Variants in YTHDC1 observed in about 807,000 individuals in gnomAD.
The protein encoded by YTHDC1 is YTH domain-containing protein 1.
In YTHDC1, 12 loss-of-function variants were observed where a neutral mutation model predicts 107.0. The observed-to-expected ratio is 0.11, with a 90% CI of 0.07 to 0.18. The LOEUF (loss-of-function observed/expected upper bound fraction) is 0.18, where lower values mean the gene tolerates loss of function less well. YTHDC1 is among the 10% of genes least tolerant of loss of function. The pLI, the probability that YTHDC1 is intolerant of heterozygous loss-of-function variation, is 1.00. For synonymous variants in YTHDC1, 280 were observed against 289.5 expected (o/e 0.97, Z 0.33); for missense variants, 635 against 898.8 (o/e 0.71, Z 3.75).
At chr4:68,349,457 C>G (rs1450983454) in intron 1 of YTHDC1, among the ~76,000 whole-genome samples, 1 of 152,124 alleles carries the variant, frequency 6.6e-6, no homozygotes, top group Non-Finnish European at 1.5e-5. Context: ...CCTCTCAGCC[C>G]AAGACAGCTA....
In YTHDC1 at chr4:68,337,196, CTCCTCCTCCTCT is replaced by C. The variant is rs771324329; in HGVS notation, c.702_713del (p.Glu246_Glu249del). The stretch of plus-strand genomic sequence containing the variant: ...CTTCCTCCTCCTCCTCCTCCTCTTC[CTCCTCCTCCTCT>C]TCCTCCTCCTCCTCTCCATCTTCAT... On this transcript the variant is annotated inframe_deletion, in exon 4 of 17. Coordinates refer to ENST00000344157, the MANE Select transcript of YTHDC1 (RefSeq NM_001031732.4). The C allele has an allele frequency of 7.0e-6, 11 of 1,569,356 alleles. No homozygotes were observed. The highest frequency in any genetic ancestry group is 6.7e-5 in the Admixed American group (4 of 59,640).
Position 68,330,079 on chromosome 4 carries a change from A to C in YTHDC1, c.1272T>G (p.Ser424=), listed in dbSNP as rs1723411806. Residue 424 remains serine, a synonymous_variant, in exon 9 of 17, where the codon TCT becomes TCG. Transcript: ENST00000344157. ...RLSSESHHGG[S]PIHWVLPAGM... is the part of the protein sequence containing the mutation. ...CTGCTGGAAGCACCCAGTGTATAGGAGATCCTCCGTGATGTGATTCTGAAG... is the reference window on the plus strand; with the variant it reads ...CTGCTGGAAGCACCCAGTGTATAGGCGATCCTCCGTGATGTGATTCTGAAG... The C allele has an allele frequency of 1.2e-6, 2 of 1,613,726 alleles. No homozygotes were observed. The highest frequency in any genetic ancestry group is 1.7e-6 in the Non-Finnish European group (2 of 1,179,708).
chr4:68,348,405 T>C (rs1725683178), intron 1 of YTHDC1, among the ~76,000 whole-genome samples: 1 of 150,072 alleles, frequency 6.7e-6, no homozygotes, highest in African/African-American at 2.5e-5. Context: ...CTGAGTTAAC[T>C]AATTAAAAGC....
intron 16 of YTHDC1, among the ~76,000 whole-genome samples, chr4:68,315,121 T>C (rs1721696640): frequency 6.6e-6 from 1 of 152,166 alleles, no homozygotes; most frequent in African/African-American, 2.4e-5. Context: ...AGCCATGTGA[T>C]CAGTTATGGG....
chr4:68,343,768 C>T (rs975120787), intron 1 of YTHDC1, among the ~76,000 whole-genome samples: 1 of 151,908 alleles, frequency 6.6e-6, no homozygotes, highest in Non-Finnish European at 1.5e-5. Flanking sequence ...GAACTCCTGA[C>T]CTCAGGTTAA....
chr4:68,324,107 G>T, intron 10 of YTHDC1, 32 bp downstream of exon 10: 2 of 1,573,054 alleles, frequency 1.3e-6, no homozygotes, highest in Non-Finnish European at 1.7e-6. Context: ...GATTAAATGT[G>T]TTTTTTTAAA....
intron 4 of YTHDC1, among the ~76,000 whole-genome samples, chr4:68,335,234 G>A (rs1351592175): frequency 6.6e-6 from 1 of 151,762 alleles, no homozygotes; most frequent in Non-Finnish European, 1.5e-5. Flanking sequence ...AAAAACTGAC[G>A]TCTCTTAATC....
intron 12 of YTHDC1, among the ~76,000 whole-genome samples, chr4:68,319,351 A>G (rs571940275): frequency 5.3e-5 from 8 of 152,324 alleles, no homozygotes; most frequent in Non-Finnish European, 1.0e-4. Flanking sequence ...CTGAAAATGA[A>G]AAATCGATGG....
intron 1 of YTHDC1, among the ~76,000 whole-genome samples, chr4:68,343,825 AT>A (rs141672772): frequency 6.6e-6 from 1 of 152,268 alleles, no homozygotes; most frequent in Non-Finnish European, 1.5e-5. Flanking sequence ...AAAAAGATGG[AT>A]TTTTTTATAA....
rs1414827694 is a variant in YTHDC1, at chr4:68,310,513, T to C, written c.*3586A>G. 1 of 152,138 alleles carries C rather than the reference T, an allele frequency of 6.6e-6. No homozygotes were observed. The highest frequency in any genetic ancestry group is 1.9e-4 in the East Asian group (1 of 5,196). 9.4% of individuals were successfully genotyped at this position (152,138 alleles called of 1,614,324 possible). A position where few individuals can be genotyped will look rare whatever the true frequency, so the allele number is the denominator to read the frequency against. The stretch of plus-strand genomic sequence containing the variant: ...CAAGAGAATCCCCACCCCAAAAAAT[T>C]AGAGATTAAATGATCTACATGATAG... On this transcript the variant is annotated 3_prime_UTR_variant, in exon 17 of 17. Coordinates refer to ENST00000344157, the MANE Select transcript of YTHDC1 (RefSeq NM_001031732.4).
intron 1 of YTHDC1, among the ~76,000 whole-genome samples, chr4:68,339,748 G>A (rs1724608772): frequency 6.6e-6 from 1 of 151,994 alleles, no homozygotes; most frequent in Non-Finnish European, 1.5e-5. Context: ...CAAGTTAAAT[G>A]AAAAAATTAT....
At position 68,310,672 on chromosome 4, in the gene YTHDC1, G is replaced by C. The variant is rs1486448616; in HGVS notation, c.*3427C>G. ...TAATATGTGTTTCAAACTGCATTTG[G>C]AATGTTTCCTACCCAAATAACAAAA... On this transcript the variant is annotated 3_prime_UTR_variant, in exon 17 of 17. Transcript: ENST00000344157. 2.0e-5 allele frequency: 3 copies of C among 152,104 alleles called. No homozygotes were observed. The highest frequency in any genetic ancestry group is 4.8e-5 in the African/African-American group (2 of 41,406). 9.4% of individuals were successfully genotyped at this position (152,104 alleles called of 1,614,324 possible).
At chr4:68,338,511 T>C in intron 1 of YTHDC1, 127 bp from the exon 2 acceptor site, 1 of 616,308 alleles carries the variant, frequency 1.6e-6, no homozygotes, top group Non-Finnish European at 2.7e-6. Flanking sequence ...GCTTTACTTT[T>C]ATTTCAGAAT....
intron 7 of YTHDC1, among the ~76,000 whole-genome samples, chr4:68,330,925 C>T (rs546561488): frequency 6.6e-6 from 1 of 152,126 alleles, no homozygotes; most frequent in Non-Finnish European, 1.5e-5. Context: ...AAGGCAGATG[C>T]TATCATTCAG....
intron 3 of YTHDC1, 22 bp from the exon 4 acceptor site, chr4:68,337,472 A>G (rs1313407836): frequency 6.2e-7 from 1 of 1,609,742 alleles, no homozygotes; most frequent in South Asian, 1.1e-5. Context: ...AGAAAAAGGG[A>G]ATCAGCAGTC....
chr4:68,311,762 T>TACTAAGCTCAACATACAAAGCATAACTTA lies in YTHDC1; in HGVS notation c.*2308_*2336dup. 6.6e-6 allele frequency: 1 copy of TACTAAGCTCAACATACAAAGCATAACTTA among 152,106 alleles called. No homozygotes were observed. The highest frequency in any genetic ancestry group is 6.5e-5 in the Admixed American group (1 of 15,284). 9.4% of individuals were successfully genotyped at this position (152,106 alleles called of 1,614,324 possible). On this transcript the variant is annotated 3_prime_UTR_variant, in exon 17 of 17. Transcript: ENST00000344157. ...GGCTTTTTAAAATAGATCGACTCAA[T>TACTAAGCTCAACATACAAAGCATAACTTA]ACTAAGCTCAACATACAAAGCATAA...
chr4:68,327,329 T>C (rs536337415), intron 9 of YTHDC1, among the ~76,000 whole-genome samples: 27 of 152,302 alleles, frequency 1.8e-4, no homozygotes, highest in African/African-American at 6.5e-4. Flanking sequence ...ACCTAGTCAG[T>C]AAATGTAACT....
chr4:68,334,255 T>A (rs1397954148), intron 4 of YTHDC1, among the ~76,000 whole-genome samples: 1 of 152,216 alleles, frequency 6.6e-6, no homozygotes, highest in Non-Finnish European at 1.5e-5. Flanking sequence ...AAAAAATGCA[T>A]ATACTTATTT....
In YTHDC1 at chr4:68,343,543, A is replaced by T. The variant is rs145276374; in HGVS notation, c.29-5159T>A. ...AATCTTTAAAAAAAAAAAAAAAAAAATTTTTTTTTTTTTTGAGACAGTCTC... is the reference window on the plus strand; with the variant it reads ...AATCTTTAAAAAAAAAAAAAAAAAATTTTTTTTTTTTTTTGAGACAGTCTC... On this transcript the variant is annotated intron_variant, in intron 1 of 16. Coordinates refer to ENST00000344157, the MANE Select transcript of YTHDC1 (RefSeq NM_001031732.4). Among the ~76,000 whole-genome samples the T allele has an allele frequency of 1.2e-3, 127 of 107,340 alleles. 1 individual carries two copies. The highest frequency in any genetic ancestry group is 5.7e-3 in the South Asian group (17 of 2,958). 70.4% of individuals were successfully genotyped at this position (107,340 alleles called of 152,430 possible).
Sources: allele counts gnomAD v4.1 joint callset (sites outside exome capture counted in the v4.1 genomes callset), GRCh38; gene constraint gnomAD v4.1.1; transcripts MANE v1.5; gene names NCBI Gene and HGNC (gene_info 2026-07-23, HGNC 2026-07-21).